Variants in NAV2 observed in about 807,000 individuals in gnomAD.
NAV2 encodes helicase, APC down-regulated 1.
A neutral mutation model predicts 223.2 loss-of-function variants in NAV2; 54 were observed. That is an observed-to-expected ratio of 0.24 (90% confidence interval 0.19 to 0.30). NAV2 has a LOEUF of 0.30. NAV2 is among the 10% of genes least tolerant of loss of function. NAV2 has a pLI of 1.00. For missense variants in NAV2, 2,806 were observed against 3,147.5 expected (o/e 0.89, Z 2.60); for synonymous variants, 1,279 against 1,239.3 (o/e 1.03, Z -0.67).
At chr11:19,508,478 T>C (rs1017098734) in intron 1 of NAV2, among the ~76,000 whole-genome samples, 4 of 152,214 alleles carry the variant, frequency 2.6e-5, no homozygotes, top group African/African-American at 9.6e-5. Context: ...GGCCTTTGCA[T>C]ATGTTTCTAC....
At chr11:19,407,742 G>A (rs1849961767) in intron 1 of NAV2, among the ~76,000 whole-genome samples, 2 of 142,718 alleles carry the variant, frequency 1.4e-5, no homozygotes, top group South Asian at 2.4e-4. Context: ...GCAATCGCCA[G>A]CCTTCTTTCC....
At chr11:19,458,125 T>C (rs1160992064) in intron 1 of NAV2, among the ~76,000 whole-genome samples, 1 of 152,234 alleles carries the variant, frequency 6.6e-6, no homozygotes, top group African/African-American at 2.4e-5. Flanking sequence ...GCCAGACGAC[T>C]GCATCTGGGA....
At chr11:19,348,114 G>A (rs1853100596), upstream of NAV2, among the ~76,000 whole-genome samples, 3 of 152,180 alleles carry the variant, frequency 2.0e-5, no homozygotes, top group South Asian at 6.2e-4. Flanking sequence ...TATTTCTGTG[G>A]CGAGAGCGTC....
At chr11:20,103,117 C>A in intron 32 of NAV2, 138 bp from the exon 33 acceptor site, 1 of 767,350 alleles carries the variant, frequency 1.3e-6, no homozygotes, top group African/African-American at 1.7e-5. Context: ...GGCAGGCACC[C>A]AGAATGTGTT....
At chr11:19,828,063 G>A (rs1846329125) in intron 1 of NAV2, among the ~76,000 whole-genome samples, 1 of 152,166 alleles carries the variant, frequency 6.6e-6, no homozygotes, top group African/African-American at 2.4e-5. Flanking sequence ...ATGATCATTT[G>A]AGTCAGGGAA....
intron 1 of NAV2, among the ~76,000 whole-genome samples, chr11:19,476,009 C>T (rs1251913383): frequency 6.6e-6 from 1 of 152,162 alleles, no homozygotes; most frequent in East Asian, 1.9e-4. Flanking sequence ...GAGTCTTACT[C>T]TACTCACTAG....
At chr11:20,053,972 C>A in intron 17 of NAV2, 108 bp from the exon 18 acceptor site, 1 of 1,180,086 alleles carries the variant, frequency 8.5e-7, no homozygotes, top group Non-Finnish European at 1.2e-6. Flanking sequence ...TAAAAAAAAT[C>A]ATCTTCGGAT....
At chr11:19,972,202 A>T (rs1048235978) in intron 10 of NAV2, among the ~76,000 whole-genome samples, 1 of 152,236 alleles carries the variant, frequency 6.6e-6, no homozygotes, top group Non-Finnish European at 1.5e-5. Flanking sequence ...GGCCTTGAAC[A>T]TACTTTTCAA....
At chr11:19,460,658 G>C (rs1852124378) in intron 1 of NAV2, among the ~76,000 whole-genome samples, 1 of 119,102 alleles carries the variant, frequency 8.4e-6, no homozygotes, top group South Asian at 3.4e-4. Flanking sequence ...GTGGGGTGGG[G>C]GGAGGGGGGA....
intron 1 of NAV2, among the ~76,000 whole-genome samples, chr11:19,657,700 A>G (rs2048166725): frequency 1.3e-5 from 2 of 152,158 alleles, no homozygotes; most frequent in African/African-American, 4.8e-5. Context: ...TCACCCTCCA[A>G]ACGAAGATCA....
At chr11:19,884,539 T>C (rs1343332823) in intron 5 of NAV2, among the ~76,000 whole-genome samples, 1 of 152,156 alleles carries the variant, frequency 6.6e-6, no homozygotes, top group Non-Finnish European at 1.5e-5. Context: ...AAAGTGGCCA[T>C]GGGATTGTTG....
At chr11:20,028,603 C>T (rs2055346476) in intron 11 of NAV2, among the ~76,000 whole-genome samples, 1 of 152,232 alleles carries the variant, frequency 6.6e-6, no homozygotes, top group Non-Finnish European at 1.5e-5. Flanking sequence ...CTATAAGACA[C>T]TGCCATCTTT....
intron 24 of NAV2, 40 bp downstream of exon 24, chr11:20,078,144 T>C (rs2059876339): frequency 6.9e-7 from 1 of 1,456,836 alleles, no homozygotes; most frequent in African/African-American, 1.4e-5. Context: ...AAGACCTGCC[T>C]GCCCTTAGGA....
chr11:19,781,714 C>T (rs2056761636), intron 1 of NAV2, among the ~76,000 whole-genome samples: 1 of 151,816 alleles, frequency 6.6e-6, no homozygotes, highest in African/African-American at 2.4e-5. Context: ...CTGCAGAACT[C>T]CTGAGCTCCC....
At chr11:19,832,158 G>A (rs573237986) in intron 1 of NAV2, among the ~76,000 whole-genome samples, 17 of 152,252 alleles carry the variant, frequency 1.1e-4, no homozygotes, top group East Asian at 1.9e-4. Context: ...ATCTAGAGTC[G>A]CAGCCTCTCA....
At position 20,032,161 on chromosome 11, in the gene NAV2, C is replaced by T. The variant is rs113449115; in HGVS notation, c.2769-3798C>T. ...CAGGGGCAGCTTTGGTTTCTGGCCA[C>T]AGACAGCTCTGGCAAATATCGAGGC... On this transcript the variant is annotated intron_variant, in intron 11 of 37. Transcript: ENST00000349880. 4.4e-3 allele frequency among the ~76,000 whole-genome samples: 672 copies of T among 152,336 alleles called. 3 individuals are homozygous for T. The highest frequency in any genetic ancestry group is 0.015 in the African/African-American group (638 of 41,578).
chr11:19,912,947 C>T (rs1227402417), intron 6 of NAV2, among the ~76,000 whole-genome samples: 1 of 152,350 alleles, frequency 6.6e-6, no homozygotes, highest in Non-Finnish European at 1.5e-5. Flanking sequence ...TTAAGACCCT[C>T]CTCCTAATAA....
chr11:20,059,279 C>G (rs2058557250), intron 19 of NAV2, among the ~76,000 whole-genome samples: 1 of 152,176 alleles, frequency 6.6e-6, no homozygotes, highest in Non-Finnish European at 1.5e-5. Flanking sequence ...TCTCTTTCTG[C>G]TCCTGACTAG....
chr11:19,989,225 G>A (rs770232208), intron 11 of NAV2, among the ~76,000 whole-genome samples: 1 of 152,190 alleles, frequency 6.6e-6, no homozygotes, highest in South Asian at 2.1e-4. Flanking sequence ...GGCTTATTCA[G>A]GTGGGTCCAA....
Sources: gnomAD v4.1 joint callset for allele counts (sites outside exome capture counted in the v4.1 genomes callset) on GRCh38, gnomAD v4.1.1 for gene constraint, MANE v1.5 for transcripts, NCBI Gene and HGNC (gene_info 2026-07-23, HGNC 2026-07-21) for gene names.